Variants in POM121 observed in about 807,000 individuals in gnomAD.
The protein encoded by POM121 is nuclear envelope pore membrane protein POM 121.
Under a neutral mutation model 81.3 loss-of-function variants are expected in POM121, and 32 were observed. The ratio of observed to expected loss-of-function variants is 0.39; its 90% CI spans 0.30 to 0.53. The LOEUF (loss-of-function observed/expected upper bound fraction) is 0.53, where lower values mean the gene tolerates loss of function less well. POM121 is among the 20% of genes least tolerant of loss of function. POM121 has a pLI of 0.66. For synonymous variants in POM121, 514 were observed against 694.2 expected, an observed-to-expected ratio of 0.74 and a Z score of 4.08; for missense variants, 1,138 against 1,614.6, an observed-to-expected ratio of 0.70 and a Z score of 5.06.
intron 3 of POM121, among the ~76,000 whole-genome samples, chr7:72,904,933 T>C (rs2129575842): frequency 6.6e-6 from 1 of 152,240 alleles, no homozygotes; most frequent in East Asian, 1.9e-4. Flanking sequence ...GAGAACTCCC[T>C]CGCTATCACG....
At chr7:72,948,419 G>T (rs545431977), downstream of POM121, 1 of 1,613,282 alleles carries the variant, frequency 6.2e-7, no homozygotes, top group Admixed American at 1.7e-5. Context: ...TGAGGGCCCA[G>T]GGTCTTCCAC....
chr7:72,944,413 A>G (rs1448917566), intron 11 of POM121, among the ~76,000 whole-genome samples: 3 of 152,092 alleles, frequency 2.0e-5, no homozygotes, highest in Non-Finnish European at 4.4e-5. Flanking sequence ...AAGTGTATAA[A>G]AAAAGGGGTC....
chr7:72,932,724 G>A (rs1391693249), intron 5 of POM121, among the ~76,000 whole-genome samples: 3 of 152,136 alleles, frequency 2.0e-5, no homozygotes, highest in Non-Finnish European at 4.4e-5. Context: ...TTTGGTTATT[G>A]TAGCTCTGGG....
chr7:72,893,656 G>C (rs1374758368), intron 3 of POM121, among the ~76,000 whole-genome samples: 1 of 152,168 alleles, frequency 6.6e-6, no homozygotes. Flanking sequence ...AACTGTATTT[G>C]CATTGTTGAG....
chr7:72,932,064 G>A (rs1554498719), intron 5 of POM121, among the ~76,000 whole-genome samples: 2 of 148,856 alleles, frequency 1.3e-5, no homozygotes, highest in Admixed American at 1.4e-4. Flanking sequence ...ATACAGTGAG[G>A]TTCGTTTGTT....
chr7:72,906,558 G>T (rs1436491578), intron 3 of POM121, among the ~76,000 whole-genome samples: 1 of 151,770 alleles, frequency 6.6e-6, no homozygotes, highest in Non-Finnish European at 1.5e-5. Context: ...TAGCTCAGTG[G>T]TTGCTTCAGT....
chr7:72,888,224 C>T (rs1315105227), intron 1 of POM121, among the ~76,000 whole-genome samples: 1 of 152,048 alleles, frequency 6.6e-6, no homozygotes, highest in African/African-American at 2.4e-5. Flanking sequence ...GATTTTCTTC[C>T]ACCTCATATG....
downstream of POM121, chr7:72,949,191 G>T: frequency 2.6e-6 from 3 of 1,163,214 alleles, no homozygotes; most frequent in Non-Finnish European, 3.9e-6. Flanking sequence ...TCACAGAGGA[G>T]AACTTTTGCT....
downstream of POM121, chr7:72,949,852 T>G: frequency 6.4e-7 from 1 of 1,556,174 alleles, no homozygotes; most frequent in South Asian, 1.1e-5. Context: ...TCACCCTTGG[T>G]TCTTCAGAAG....
chr7:72,937,195 C>T (rs1796593291), intron 5 of POM121, among the ~76,000 whole-genome samples: 1 of 151,064 alleles, frequency 6.6e-6, no homozygotes, highest in African/African-American at 2.4e-5. Flanking sequence ...GCGGAGGTTG[C>T]AGTGAGCTGA....
chr7:72,894,765 C>T (rs1554491460), intron 3 of POM121, among the ~76,000 whole-genome samples: 3 of 151,814 alleles, frequency 2.0e-5, no homozygotes, highest in African/African-American at 7.3e-5. Flanking sequence ...CTCAAGAGAT[C>T]CTCCACCCCA....
At chr7:72,896,848 C>T (rs1451172365) in intron 3 of POM121, among the ~76,000 whole-genome samples, 2 of 152,276 alleles carry the variant, frequency 1.3e-5, no homozygotes, top group Non-Finnish European at 2.9e-5. Flanking sequence ...CACTGTTAAG[C>T]ACTGGGAATA....
At chr7:72,897,754 C>G (rs1368276701) in intron 3 of POM121, among the ~76,000 whole-genome samples, 4 of 152,170 alleles carry the variant, frequency 2.6e-5, no homozygotes, top group African/African-American at 9.7e-5. Flanking sequence ...GGTGTGGTGG[C>G]TCAGGCCTGT....
At chr7:72,915,624 T>G (rs1196965949) in intron 4 of POM121, among the ~76,000 whole-genome samples, 7 of 152,078 alleles carry the variant, frequency 4.6e-5, no homozygotes, top group Non-Finnish European at 1.0e-4. Flanking sequence ...ATCCACTTGC[T>G]TTGGCCTCCC....
At chr7:72,934,141 G>A (rs527391527) in intron 5 of POM121, among the ~76,000 whole-genome samples, 3 of 151,790 alleles carry the variant, frequency 2.0e-5, no homozygotes, top group African/African-American at 7.3e-5. Context: ...CTGGAGTGCA[G>A]TGCTGTGACC....
At chr7:72,910,524 G>A (rs1392939313) in intron 3 of POM121, among the ~76,000 whole-genome samples, 1 of 152,044 alleles carries the variant, frequency 6.6e-6, no homozygotes, top group Non-Finnish European at 1.5e-5. Flanking sequence ...TCAGTCTTGT[G>A]CAGGTTGTGG....
chr7:72,919,325 A>G (rs1794591876), intron 4 of POM121, among the ~76,000 whole-genome samples: 2 of 152,062 alleles, frequency 1.3e-5, no homozygotes, highest in South Asian at 4.1e-4. Flanking sequence ...TTTAAAAAGG[A>G]AAAACAGGCA....
chr7:72,901,057 C>T (rs1233509391), intron 3 of POM121, among the ~76,000 whole-genome samples: 1 of 151,744 alleles, frequency 6.6e-6, no homozygotes, highest in Non-Finnish European at 1.5e-5. Context: ...GTAATCATAG[C>T]TCATTGAAGC....
intron 3 of POM121, among the ~76,000 whole-genome samples, chr7:72,910,447 G>A (rs1466148273): frequency 6.6e-6 from 1 of 152,152 alleles, no homozygotes; most frequent in Non-Finnish European, 1.5e-5. Flanking sequence ...AAATGGGTTG[G>A]AGAATCCTTG....
Sources: allele counts gnomAD v4.1 joint callset (sites outside exome capture counted in the v4.1 genomes callset), GRCh38; gene constraint gnomAD v4.1.1; transcripts MANE v1.5; gene names NCBI Gene and HGNC (gene_info 2026-07-23, HGNC 2026-07-21).